PHF8: variants seen among roughly 807,000 people sequenced by gnomAD.
PHF8 encodes histone lysine demethylase PHF8.
In PHF8, 9 loss-of-function variants were observed where a neutral mutation model predicts 74.4. The ratio of observed to expected loss-of-function variants is 0.12; its 90% CI spans 0.07 to 0.21. The LOEUF is 0.21. Among genes scored for constraint, PHF8 ranks in the 10% least tolerant of loss-of-function variants. The pLI, the probability that PHF8 is intolerant of heterozygous loss-of-function variation, is 1.00. For missense variants in PHF8, 478 were observed against 816.6 expected (o/e 0.59, Z 5.05); for synonymous variants, 311 against 316.6 (o/e 0.98, Z 0.19).
intron 18 of PHF8, among the ~76,000 whole-genome samples, chrX:53,982,924 T>C (rs781802432): frequency 6.2e-5 from 7 of 112,482 alleles, no homozygotes; most frequent in Non-Finnish European, 1.3e-4. Context: ...CTGGATGCAG[T>C]GGCTCACGCC....
chrX:54,019,073 G>A (rs2066121530), intron 4 of PHF8, among the ~76,000 whole-genome samples: 2 of 112,175 alleles, frequency 1.8e-5, no homozygotes, highest in African/African-American at 6.5e-5. Context: ...CTCCAAGAAA[G>A]CTGTTATAAA....
chrX:53,976,601 A>G (rs967041472), intron 18 of PHF8, among the ~76,000 whole-genome samples: 2 of 108,719 alleles, frequency 1.8e-5, no homozygotes, highest in Non-Finnish European at 3.8e-5. Context: ...ACACAAGGCT[A>G]TGCAACACAG....
intron 14 of PHF8, among the ~76,000 whole-genome samples, chrX:53,991,823 G>A (rs1459794953): frequency 4.5e-5 from 5 of 110,016 alleles, no homozygotes; most frequent in Non-Finnish European, 1.9e-5. Flanking sequence ...GGCAATAACA[G>A]AGACCCCATC....
At chrX:54,017,525 G>T in intron 5 of PHF8, 136 bp downstream of exon 5, 1 of 519,087 alleles carries the variant, frequency 1.9e-6, no homozygotes, top group South Asian at 2.9e-5. Flanking sequence ...GCCAAAGAAT[G>T]ACTTTGGACA....
chrX:53,948,272 G>A (rs782031231), intron 19 of PHF8, among the ~76,000 whole-genome samples: 10 of 111,750 alleles, frequency 8.9e-5, no homozygotes, highest in East Asian at 8.5e-4. Context: ...TGGTTACACC[G>A]GGGAATGGCG....
At chrX:54,005,116 C>T (rs2065878336) in intron 8 of PHF8, among the ~76,000 whole-genome samples, 1 of 110,702 alleles carries the variant, frequency 9.0e-6, no homozygotes, top group Admixed American at 9.7e-5. Context: ...AGATACAAAA[C>T]ATTCATGTAA....
At chrX:54,013,985 T>C (rs2066021989) in intron 7 of PHF8, among the ~76,000 whole-genome samples, 1 of 111,002 alleles carries the variant, frequency 9.0e-6, no homozygotes, top group Admixed American at 9.6e-5. Flanking sequence ...AGATGGAATC[T>C]CGTTCTGTCG....
At chrX:53,942,899 AAGG>A (rs1166122719) in intron 20 of PHF8, 13 of 751,458 alleles carry the variant, frequency 1.7e-5, no homozygotes, top group African/African-American at 2.3e-5. Context: ...GAGGGGCTGG[AAGG>A]AGGTCAGGGA....
intron 2 of PHF8, among the ~76,000 whole-genome samples, chrX:54,038,484 A>C (rs1033940193): frequency 1.8e-5 from 2 of 111,934 alleles, no homozygotes; most frequent in African/African-American, 6.5e-5. Context: ...TACCTACTGA[A>C]TCAGAAATAC....
intron 18 of PHF8, among the ~76,000 whole-genome samples, chrX:53,974,044 G>C (rs1356728722): frequency 1.8e-5 from 2 of 111,098 alleles, no homozygotes; most frequent in Non-Finnish European, 3.8e-5. Context: ...CGGATCACGA[G>C]GTCAGGAGAT....
Position 54,044,270 on chromosome X carries a change from G to A in PHF8, c.-601C>T, listed in dbSNP as rs1220581689. 2.6e-6 allele frequency: 2 copies of A among 755,099 alleles called. No homozygotes were observed. The highest frequency in any genetic ancestry group is 4.5e-5 in the African/African-American group (2 of 44,140). 62.2% of individuals were successfully genotyped at this position (755,099 alleles called of 1,213,427 possible). Reference sequence around the variant, plus strand: ...AGATGAACCGGCCGCCACGTCCGAGGCACACGGCCCGAAAAGTCGCTGGGA... The same window carrying A: ...AGATGAACCGGCCGCCACGTCCGAGACACACGGCCCGAAAAGTCGCTGGGA... On this transcript the variant is annotated 5_prime_UTR_variant, in exon 1 of 22. Coordinates refer to ENST00000338154, the MANE Select transcript of PHF8 (RefSeq NM_015107.3).
intron 2 of PHF8, among the ~76,000 whole-genome samples, chrX:54,032,659 A>G (rs887081645): frequency 9.0e-6 from 1 of 110,703 alleles, no homozygotes; most frequent in Non-Finnish European, 1.9e-5. Context: ...GACACACTAT[A>G]TATTAAGCTG....
At chrX:54,044,582 A>G (rs1393223418), upstream of PHF8, 8 of 193,465 alleles carry the variant, frequency 4.1e-5, no homozygotes, top group South Asian at 1.2e-3. Context: ...CCACCTTTGG[A>G]CCCGCTCGTC....
At chrX:53,999,282 A>G (rs1247500108) in intron 11 of PHF8, among the ~76,000 whole-genome samples, 1 of 112,366 alleles carries the variant, frequency 8.9e-6, no homozygotes, top group Non-Finnish European at 1.9e-5. Context: ...ATGAGGATTC[A>G]TTTCCACTTT....
rs782095574 is a variant in PHF8 at position 53,993,816 on chromosome X, G to C, written c.1411C>G (p.Pro471Ala). 2 of 1,207,015 alleles carry C rather than the reference G, an allele frequency of 1.7e-6. No individual in the cohort carries two copies. The highest frequency in any genetic ancestry group is 5.9e-5 in the East Asian group (2 of 33,836). The change falls in exon 13 of 22, where the codon CCA becomes GCA. Residue 471 changes from proline (P) to alanine (A), a missense_variant. Around this residue, in one of 9 missense-constraint regions of PHF8, gnomAD observed 153 missense variants for 164.8 expected, o/e 0.93. Coordinates refer to ENST00000338154, the MANE Select transcript of PHF8 (RefSeq NM_015107.3). ...ATGGACACTGAAGTGGAATGGGCTG[G>C]CCTGGTTAGGGGAATGGAGCCGGCT... is the stretch of plus-strand genomic sequence containing the variant. ...FPAGSIPLTRPAHSTSVSMSR... is the reference protein window; with the variant it reads ...FPAGSIPLTRAAHSTSVSMSR...
At chrX:54,025,803 C>T (rs2066257093) in intron 2 of PHF8, among the ~76,000 whole-genome samples, 1 of 111,189 alleles carries the variant, frequency 9.0e-6, no homozygotes, top group Non-Finnish European at 1.9e-5. Flanking sequence ...CTGTTCTTTG[C>T]CCTCAAAACT....
intron 2 of PHF8, among the ~76,000 whole-genome samples, chrX:54,036,066 C>T (rs1557114038): frequency 2.0e-5 from 2 of 99,704 alleles, no homozygotes; most frequent in African/African-American, 3.8e-5. Flanking sequence ...AGCCAAATCG[C>T]GCTCCAGCCT....
chrX:54,024,916 A>G (rs1043042070), intron 2 of PHF8, among the ~76,000 whole-genome samples: 37 of 110,196 alleles, frequency 3.4e-4, no homozygotes, highest in African/African-American at 1.2e-3. Context: ...TCGCTCTGTC[A>G]CCCAGGCTGG....
chrX:53,978,054 T>C (rs1051451795), intron 18 of PHF8, among the ~76,000 whole-genome samples: 2 of 107,557 alleles, frequency 1.9e-5, no homozygotes, highest in Non-Finnish European at 3.9e-5. Flanking sequence ...GAAGCAATTC[T>C]TCTGCCTCAG....
Sources: gnomAD v4.1 joint callset for allele counts (sites outside exome capture counted in the v4.1 genomes callset) on GRCh38, gnomAD v4.1.1 for gene constraint, gnomAD v4.1.1 regional missense constraint, MANE v1.5 for transcripts, NCBI Gene and HGNC (gene_info 2026-07-23, HGNC 2026-07-21) for gene names.